Variants in NKAIN2 observed in about 807,000 individuals in gnomAD.
The protein encoded by NKAIN2 is sodium/potassium-transporting ATPase subunit beta-1-interacting protein 2.
A neutral mutation model predicts 32.6 loss-of-function variants in NKAIN2; 14 were observed. The observed-to-expected ratio is 0.43, with a 90% confidence interval of 0.28 to 0.67. The LOEUF is 0.67. NKAIN2 is among the 30% of genes least tolerant of loss of function. The pLI is 0.17. For missense variants in NKAIN2, 198 were observed against 258.3 expected (o/e 0.77, Z 1.60); for synonymous variants, 80 against 87.2 (o/e 0.92, Z 0.46).
chr6:124,289,369 A>G (rs1795698798), intron 2 of NKAIN2, among the ~76,000 whole-genome samples: 1 of 151,804 alleles, frequency 6.6e-6, no homozygotes, highest in African/African-American at 2.4e-5. Flanking sequence ...ACAAAGTGTC[A>G]CCTGCTTTGA....
chr6:124,576,353 G>A (rs202021370), intron 3 of NKAIN2, among the ~76,000 whole-genome samples: 5 of 148,254 alleles, frequency 3.4e-5, no homozygotes, highest in Admixed American at 6.8e-5. Flanking sequence ...AGATTTTTTT[G>A]TGAAAATGGA....
At chr6:123,868,907 T>G (rs1033726332) in intron 1 of NKAIN2, among the ~76,000 whole-genome samples, 2 of 152,160 alleles carry the variant, frequency 1.3e-5, no homozygotes, top group Non-Finnish European at 2.9e-5. Context: ...AATACTTTTT[T>G]AAAAAGAAAG....
At chr6:124,814,412 C>A (rs896494874) in intron 5 of NKAIN2, among the ~76,000 whole-genome samples, 4 of 152,104 alleles carry the variant, frequency 2.6e-5, no homozygotes, top group African/African-American at 9.7e-5. Context: ...GGTAAAAATC[C>A]AGCCTGGTTA....
In NKAIN2 at chr6:124,007,698, C is replaced by T. The variant is rs558531503; in HGVS notation, c.54+203444C>T. On this transcript the variant is annotated intron_variant, in intron 1 of 6. Transcript: ENST00000368417. ...CACTAATGTTATTACATGCGGATCT[C>T]CCAAATCATTTTAACCAACGACTTA... 3.6e-4 allele frequency among the ~76,000 whole-genome samples: 55 copies of T among 152,158 alleles called. 1 individual carries two copies. Among genetic ancestry groups the T allele is most frequent in the Non-Finnish European group, 6.8e-4 (46 of 68,034 alleles).
intron 1 of NKAIN2, among the ~76,000 whole-genome samples, chr6:124,280,697 T>C (rs1795249372): frequency 6.6e-6 from 1 of 152,174 alleles, no homozygotes; most frequent in Admixed American, 6.6e-5. Flanking sequence ...TACAGGCCCC[T>C]CATAGTTAAT....
rs191345801 is a variant in NKAIN2 at position 124,357,246 on chromosome 6, A to C, written c.273+1899A>C. Among the ~76,000 whole-genome samples, 872 of 152,264 alleles carry C rather than the reference A, an allele frequency of 5.7e-3. 5 individuals carry two copies. The highest frequency in any genetic ancestry group is 0.01 in the Middle Eastern group (3 of 292). On this transcript the variant is annotated intron_variant, in intron 3 of 6. Transcript: ENST00000368417. ...TTTTTAACAAATAACCTAAAAAAAAACCATAAAGGGCAAAGTTATATAGTT... is the reference window on the plus strand; with the variant it reads ...TTTTTAACAAATAACCTAAAAAAAACCCATAAAGGGCAAAGTTATATAGTT...
intron 3 of NKAIN2, chr6:124,490,494 G>A (rs114963822): frequency 8.3e-5 from 28 of 338,078 alleles, no homozygotes; most frequent in East Asian, 6.3e-4. Flanking sequence ...GGCTTAAAAT[G>A]TGAAAAATGC....
chr6:124,499,512 T>C (rs1778200694), intron 3 of NKAIN2, among the ~76,000 whole-genome samples: 1 of 152,198 alleles, frequency 6.6e-6, no homozygotes, highest in Admixed American at 6.5e-5. Context: ...ATATTATCTT[T>C]GGGGCAACTC....
chr6:124,458,938 G>A (rs777132968), intron 3 of NKAIN2, among the ~76,000 whole-genome samples: 3 of 151,878 alleles, frequency 2.0e-5, no homozygotes, highest in Non-Finnish European at 4.4e-5. Context: ...GGAACTGAGA[G>A]AGTTTCTTCT....
At chr6:124,340,897 T>G (rs1291645768) in intron 2 of NKAIN2, among the ~76,000 whole-genome samples, 2 of 152,192 alleles carry the variant, frequency 1.3e-5, no homozygotes, top group Non-Finnish European at 2.9e-5. Context: ...ATTAATCATA[T>G]ACAGGTGTTT....
intron 1 of NKAIN2, among the ~76,000 whole-genome samples, chr6:124,179,694 C>G (rs918109192): frequency 2.0e-5 from 3 of 152,126 alleles, no homozygotes; most frequent in Admixed American, 2.0e-4. Flanking sequence ...GATATTGGGC[C>G]TTTTATCCAC....
At chr6:123,957,409 A>T (rs1005874971) in intron 1 of NKAIN2, among the ~76,000 whole-genome samples, 9 of 152,332 alleles carry the variant, frequency 5.9e-5, no homozygotes, top group African/African-American at 2.2e-4. Context: ...CACTAGTTAC[A>T]TTATAGGAAT....
chr6:123,811,283 A>G (rs1325985977), intron 1 of NKAIN2, among the ~76,000 whole-genome samples: 1 of 152,102 alleles, frequency 6.6e-6, no homozygotes, highest in Non-Finnish European at 1.5e-5. Context: ...GTGTCTTTGT[A>G]ATGTATTGAA....
intron 1 of NKAIN2, among the ~76,000 whole-genome samples, chr6:123,874,916 T>C (rs1457554214): frequency 1.4e-5 from 2 of 141,554 alleles, no homozygotes; most frequent in African/African-American, 5.0e-5. Flanking sequence ...TACATATATA[T>C]ATGTGTGTGT....
chr6:123,914,767 G>T (rs1473224619), intron 1 of NKAIN2, among the ~76,000 whole-genome samples: 2 of 152,110 alleles, frequency 1.3e-5, no homozygotes, highest in Non-Finnish European at 2.9e-5. Context: ...GATATTTTAT[G>T]ATACGGATAA....
At chr6:124,675,951 T>A (rs1773338139) in intron 4 of NKAIN2, among the ~76,000 whole-genome samples, 1 of 152,182 alleles carries the variant, frequency 6.6e-6, no homozygotes. Context: ...TCTTTTTTAA[T>A]GTATGCATTT....
At chr6:124,720,533 C>T (rs550857821) in intron 4 of NKAIN2, among the ~76,000 whole-genome samples, 46 of 152,264 alleles carry the variant, frequency 3.0e-4, no homozygotes, top group East Asian at 9.6e-4. Context: ...AAATATTACT[C>T]GGTCCTGTTT....
At chr6:124,422,643 A>T (rs180956238) in intron 3 of NKAIN2, among the ~76,000 whole-genome samples, 168 of 152,386 alleles carry the variant, frequency 1.1e-3, no homozygotes, top group African/African-American at 3.9e-3. Context: ...GCCTGAAAAG[A>T]AAAACAAAAC....
At chr6:124,409,219 T>G (rs1774025550) in intron 3 of NKAIN2, among the ~76,000 whole-genome samples, 1 of 152,170 alleles carries the variant, frequency 6.6e-6, no homozygotes, top group Non-Finnish European at 1.5e-5. Flanking sequence ...GGCCAGAACT[T>G]CCAACACTAT....
Sources: gnomAD v4.1 joint callset for allele counts (sites outside exome capture counted in the v4.1 genomes callset) on GRCh38, gnomAD v4.1.1 for gene constraint, MANE v1.5 for transcripts, NCBI Gene and HGNC (gene_info 2026-07-23, HGNC 2026-07-21) for gene names.